Variants in LRIG1 observed in about 807,000 individuals in gnomAD.
LRIG1 encodes the protein leucine rich repeats and immunoglobulin like domains 1, also known as leucine-rich repeats and immunoglobulin-like domains protein 1.
In LRIG1, 48 loss-of-function variants were observed where a neutral mutation model predicts 99.2. The ratio of observed to expected loss-of-function variants is 0.48; its 90% CI spans 0.38 to 0.62. The LOEUF (loss-of-function observed/expected upper bound fraction) is 0.62. Among genes scored for constraint, LRIG1 ranks in the 20% least tolerant of loss-of-function variants. The pLI is 0.00. For synonymous variants in LRIG1, 772 were observed against 596.1 expected (o/e 1.29, Z -4.30); for missense variants, 1,646 against 1,434.4 (o/e 1.15, Z -2.38).
At chr3:66,412,078 T>G (rs1282589924) in intron 6 of LRIG1, among the ~76,000 whole-genome samples, 1 of 152,392 alleles carries the variant, frequency 6.6e-6, no homozygotes, top group Non-Finnish European at 1.5e-5. Flanking sequence ...AAGCCTTTTC[T>G]GTATGCTGCC....
chr3:66,419,842 GC>G (rs1343784044), intron 3 of LRIG1, among the ~76,000 whole-genome samples: 1 of 152,084 alleles, frequency 6.6e-6, no homozygotes. Context: ...CCTGGTGGGG[GC>G]TGGAGATGAC....
intron 3 of LRIG1, among the ~76,000 whole-genome samples, chr3:66,427,907 G>A (rs1703034655): frequency 6.6e-6 from 1 of 151,844 alleles, no homozygotes; most frequent in Admixed American, 6.6e-5. Flanking sequence ...TTTTTTATTT[G>A]GCTACTTCCA....
At chr3:66,402,277 G>C (rs956870761) in intron 9 of LRIG1, among the ~76,000 whole-genome samples, 91 of 152,130 alleles carry the variant, frequency 6.0e-4, no homozygotes, top group Non-Finnish European at 1.2e-4. Context: ...GCCCCAGCCC[G>C]GGAACCGCAC....
intron 13 of LRIG1, 51 bp from the exon 14 acceptor site, chr3:66,384,323 AC>A: frequency 1.9e-6 from 3 of 1,563,262 alleles, no homozygotes; most frequent in Non-Finnish European, 2.6e-6. Context: ...TAGATGCAAA[AC>A]CAGGAAGTCC....
At chr3:66,390,816 T>G (rs1701588126) in intron 12 of LRIG1, among the ~76,000 whole-genome samples, 1 of 152,158 alleles carries the variant, frequency 6.6e-6, no homozygotes, top group Non-Finnish European at 1.5e-5. Flanking sequence ...ATAGAGATAT[T>G]GAACTTCACC....
chr3:66,454,839 G>A lies in LRIG1; in HGVS notation c.291-3206C>T, dbSNP rs369603737. On this transcript the variant is annotated intron_variant, in intron 2 of 18. Transcript: ENST00000273261. ...TGACTTAAGGGAAGTTTTACATTTT[G>A]TAAGCTACAAAATGTGATAAAGGCT... Among the ~76,000 whole-genome samples the A allele has an allele frequency of 4.6e-5, 7 of 152,246 alleles. No individual in the cohort carries two copies. In the South Asian group the frequency reaches 1.5e-3, roughly 32 times the overall value.
chr3:66,491,548 C>T (rs374756891), intron 1 of LRIG1, among the ~76,000 whole-genome samples: 2 of 152,120 alleles, frequency 1.3e-5, no homozygotes, highest in South Asian at 4.2e-4. Context: ...AAATATATAG[C>T]TTACCAAAAC....
At position 66,459,819 on chromosome 3, in the gene LRIG1, T is replaced by C. The variant is rs776532810; in HGVS notation, c.290+2619A>G. Among the ~76,000 whole-genome samples, 76 of 152,216 alleles carry C rather than the reference T, an allele frequency of 5.0e-4. 2 individuals are homozygous for C. The highest frequency in any genetic ancestry group is 4.6e-4 in the Admixed American group (7 of 15,282). Reference sequence around the variant, plus strand: ...ATGCAATATTTTTTAAATATGAAGATGAATGCAAAACAAAATTCATGATGA... The same window carrying C: ...ATGCAATATTTTTTAAATATGAAGACGAATGCAAAACAAAATTCATGATGA... On this transcript the variant is annotated intron_variant, in intron 2 of 18. Coordinates refer to ENST00000273261, the MANE Select transcript of LRIG1 (RefSeq NM_015541.3).
chr3:66,415,733 C>G (rs1702598956), intron 4 of LRIG1, among the ~76,000 whole-genome samples: 1 of 152,170 alleles, frequency 6.6e-6, no homozygotes, highest in Non-Finnish European at 1.5e-5. Flanking sequence ...TCAAAAGGCA[C>G]AGAAGTCTGC....
At chr3:66,399,063 A>G (rs930592777) in intron 9 of LRIG1, 22 bp from the exon 10 acceptor site, 1 of 1,599,694 alleles carries the variant, frequency 6.3e-7, no homozygotes, top group Non-Finnish European at 8.6e-7. Flanking sequence ...AAACATCCAG[A>G]AATTAAGGCC....
At chr3:66,408,464 G>A (rs1702353165) in intron 7 of LRIG1, among the ~76,000 whole-genome samples, 1 of 152,164 alleles carries the variant, frequency 6.6e-6, no homozygotes, top group South Asian at 2.1e-4. Flanking sequence ...GACTGCTCAA[G>A]CGCACTTCTG....
chr3:66,394,320 G>A (rs1462316547), intron 11 of LRIG1, 117 bp from the exon 12 acceptor site: 1 of 843,496 alleles, frequency 1.2e-6, no homozygotes, highest in East Asian at 2.9e-5. Context: ...TCAGCAAGCT[G>A]GAAGGGGGAA....
chr3:66,446,315 G>A (rs1703721961), intron 3 of LRIG1, among the ~76,000 whole-genome samples: 1 of 151,786 alleles, frequency 6.6e-6, no homozygotes, highest in African/African-American at 2.4e-5. Context: ...TCACAGGTAG[G>A]ACACCGCGTT....
At chr3:66,462,532 A>C in intron 1 of LRIG1, 23 bp from the exon 2 acceptor site, 7 of 1,565,530 alleles carry the variant, frequency 4.5e-6, no homozygotes, top group Non-Finnish European at 6.1e-6. Flanking sequence ...GAGAGAGAAA[A>C]AAACGGAATC....
chr3:66,392,933 T>A (rs1701682648), intron 12 of LRIG1, among the ~76,000 whole-genome samples: 1 of 152,110 alleles, frequency 6.6e-6, no homozygotes, highest in Non-Finnish European at 1.5e-5. Flanking sequence ...ATAAGACAGA[T>A]CGGTATGAAA....
chr3:66,425,233 ATTCCACCCATAAAC>A (rs1702942243), intron 3 of LRIG1, among the ~76,000 whole-genome samples: 1 of 152,204 alleles, frequency 6.6e-6, no homozygotes, highest in East Asian at 1.9e-4. Flanking sequence ...ACTGGCCCAG[ATTCCACCCATAAAC>A]TTCCAAAGCT....
intron 2 of LRIG1, among the ~76,000 whole-genome samples, chr3:66,455,020 C>T (rs1452014265): frequency 6.6e-6 from 1 of 152,212 alleles, no homozygotes; most frequent in Non-Finnish European, 1.5e-5. Flanking sequence ...TCTCGGCTCA[C>T]TGTAACCTCT....
intron 3 of LRIG1, among the ~76,000 whole-genome samples, chr3:66,419,308 C>A (rs1470201608): frequency 1.3e-5 from 2 of 152,060 alleles, no homozygotes; most frequent in Non-Finnish European, 2.9e-5. Flanking sequence ...ACCTTTTGCT[C>A]CTTGTCAGTC....
rs371188390 is a variant in LRIG1, at chr3:66,412,888, C to T, written c.774G>A (p.Leu258=). The change falls in exon 6 of 19, where the codon CTG becomes CTA. Residue 258 remains leucine, a synonymous_variant. Coordinates refer to ENST00000273261, the MANE Select transcript of LRIG1 (RefSeq NM_015541.3). ...GCACTTACAGCACATGCATCTTGGA[C>T]AGTCCCCAGAAGGCCCCATCTGTCA... The part of the protein sequence containing the change: ...SKLTDGAFWG[L]SKMHVLHLEY... 10 of 1,614,158 alleles carry T rather than the reference C, an allele frequency of 6.2e-6. No homozygotes were observed. The East Asian group carries it at 2.0e-4, about 32-fold the overall frequency.
Sources: allele counts gnomAD v4.1 joint callset (sites outside exome capture counted in the v4.1 genomes callset), GRCh38; gene constraint gnomAD v4.1.1; transcripts MANE v1.5; gene names NCBI Gene and HGNC (gene_info 2026-07-23, HGNC 2026-07-21).